CDH12: variants seen among roughly 807,000 people sequenced by gnomAD.
CDH12 encodes cadherin-12.
A neutral mutation model predicts 74.1 loss-of-function variants in CDH12; 41 were observed. That is an observed-to-expected ratio of 0.55 (90% confidence interval 0.43 to 0.72). The LOEUF (loss-of-function observed/expected upper bound fraction) is 0.72. Ranked by LOEUF, CDH12 falls within the 30% of genes least tolerant of loss-of-function variation. CDH12 has a pLI of 0.00. For missense variants in CDH12, 945 were observed against 977.2 expected, an observed-to-expected ratio of 0.97 and a Z score of 0.44; for synonymous variants, 399 against 355.0, an observed-to-expected ratio of 1.12 and a Z score of -1.39.
chr5:22,635,421 G>A (rs1738788258), intron 1 of CDH12, among the ~76,000 whole-genome samples: 1 of 152,114 alleles, frequency 6.6e-6, no homozygotes, highest in South Asian at 2.1e-4. Flanking sequence ...ATCTCTGTGA[G>A]CCTGAATTAG....
intron 1 of CDH12, among the ~76,000 whole-genome samples, chr5:22,551,869 T>A (rs1253476690): frequency 6.6e-6 from 1 of 152,228 alleles, no homozygotes; most frequent in Non-Finnish European, 1.5e-5. Flanking sequence ...TAAATATGTT[T>A]ATTAGAATTA....
chr5:21,952,235 G>T (rs1755896705), intron 6 of CDH12, among the ~76,000 whole-genome samples: 1 of 152,146 alleles, frequency 6.6e-6, no homozygotes, highest in Non-Finnish European at 1.5e-5. Context: ...AAGTAGGGAG[G>T]TGGAGAATTT....
At chr5:22,220,233 T>C (rs1199358098) in intron 3 of CDH12, among the ~76,000 whole-genome samples, 1 of 151,784 alleles carries the variant, frequency 6.6e-6, no homozygotes, top group Non-Finnish European at 1.5e-5. Context: ...TGTGTGTGCA[T>C]GTACATAAAT....
intron 3 of CDH12, among the ~76,000 whole-genome samples, chr5:22,390,369 T>C (rs1272696627): frequency 6.6e-6 from 1 of 152,224 alleles, no homozygotes; most frequent in East Asian, 1.9e-4. Flanking sequence ...CAAATGATCA[T>C]AATTTTTGTT....
intron 1 of CDH12, among the ~76,000 whole-genome samples, chr5:22,744,428 C>A (rs1449932210): frequency 9.6e-5 from 14 of 146,112 alleles, no homozygotes; most frequent in East Asian, 4.1e-4. Flanking sequence ...GACTCCGTCT[C>A]AAAAAAAAAC....
chr5:22,747,607 C>A (rs867720868), intron 1 of CDH12, among the ~76,000 whole-genome samples: 737 of 110,666 alleles, frequency 6.7e-3, no homozygotes, highest in African/African-American at 8.8e-3. Flanking sequence ...GAGACGCTGC[C>A]AAAAAAAAAA....
chr5:22,545,696 C>T (rs948035660), intron 1 of CDH12, among the ~76,000 whole-genome samples: 6 of 152,080 alleles, frequency 3.9e-5, no homozygotes, highest in Non-Finnish European at 5.9e-5. Context: ...TCCTTTTGTA[C>T]ATTTTAAATG....
intron 1 of CDH12, among the ~76,000 whole-genome samples, chr5:22,519,678 C>T (rs1382216593): frequency 6.6e-6 from 1 of 152,060 alleles, no homozygotes; most frequent in African/African-American, 2.4e-5. Context: ...TCACCTCGGT[C>T]AAATTATGGT....
At chr5:21,862,917 C>G (rs1318191067) in intron 6 of CDH12, among the ~76,000 whole-genome samples, 2 of 152,068 alleles carry the variant, frequency 1.3e-5, no homozygotes, top group Non-Finnish European at 2.9e-5. Flanking sequence ...TGAAATGAAT[C>G]CTGTCTGCCT....
intron 1 of CDH12, among the ~76,000 whole-genome samples, chr5:22,761,631 A>G (rs1476923273): frequency 6.6e-6 from 1 of 152,186 alleles, no homozygotes; most frequent in Non-Finnish European, 1.5e-5. Context: ...TAAATATTTT[A>G]CTGTTTGATT....
intron 1 of CDH12, among the ~76,000 whole-genome samples, chr5:22,684,767 CAT>C (rs547524943): frequency 7.0e-4 from 107 of 152,334 alleles, no homozygotes; most frequent in African/African-American, 2.3e-3. Flanking sequence ...CTTCCCCACA[CAT>C]CTCTCACACA....
chr5:22,330,213 A>T (rs1739289066), intron 3 of CDH12, among the ~76,000 whole-genome samples: 1 of 152,122 alleles, frequency 6.6e-6, no homozygotes, highest in Non-Finnish European at 1.5e-5. Flanking sequence ...CTACCATTCC[A>T]GTTTGTAGCT....
At chr5:21,767,201 A>G (rs1745075867) in intron 11 of CDH12, among the ~76,000 whole-genome samples, 1 of 151,822 alleles carries the variant, frequency 6.6e-6, no homozygotes, top group African/African-American at 2.4e-5. Flanking sequence ...GCTACATGAA[A>G]ATGAGAATGT....
At position 21,999,797 on chromosome 5, in the gene CDH12, T is replaced by A. The variant is rs967858862; in HGVS notation, c.232-24412A>T. Among the ~76,000 whole-genome samples the A allele has an allele frequency of 3.3e-4, 50 of 151,458 alleles. 3 individuals carry two copies. The highest frequency in any genetic ancestry group is 3.0e-3 in the Admixed American group (46 of 15,154). On this transcript the variant is annotated intron_variant, in intron 5 of 14. Transcript: ENST00000382254. ...TTTGTATCTCTAGGTGGATATAATG[T>A]AGAATATCACTTAAATGCATAGACT...
chr5:22,619,763 C>CTA (rs1737877974), intron 1 of CDH12, among the ~76,000 whole-genome samples: 2 of 151,404 alleles, frequency 1.3e-5, no homozygotes, highest in African/African-American at 4.8e-5. Context: ...TTTACTGGTA[C>CTA]TATGCTTCCC....
intron 6 of CDH12, among the ~76,000 whole-genome samples, chr5:21,941,680 G>C (rs1755334592): frequency 1.3e-5 from 2 of 152,038 alleles, no homozygotes; most frequent in Admixed American, 6.6e-5. Flanking sequence ...CTGACTTCAA[G>C]TAAGAGAGAG....
Position 22,159,929 on chromosome 5 carries a change from A to T in CDH12, c.-187+52569T>A, listed in dbSNP as rs570965575. On this transcript the variant is annotated intron_variant, in intron 4 of 14. Transcript: ENST00000382254. ...TGTGTCTGTGTGCGTGTGTGCGTGC[A>T]TGTGCATGTGTGTGCCTGTGTGTGT... Among the ~76,000 whole-genome samples the T allele has an allele frequency of 7.2e-5, 11 of 152,264 alleles. No individual in the cohort carries two copies. In the South Asian group the frequency reaches 1.9e-3, roughly 26 times the overall value.
Position 22,478,253 on chromosome 5 carries a change from C to T in CDH12, c.-428+27017G>A, listed in dbSNP as rs527694722. On this transcript the variant is annotated intron_variant, in intron 2 of 14. Transcript: ENST00000382254. ...CTAACACCGTGAAACTCCGTCTCTA[C>T]TAAATATACAAAAAATAAGCCGGGC... Among the ~76,000 whole-genome samples, 15 of 151,676 alleles carry T rather than the reference C, an allele frequency of 9.9e-5. No individual in the cohort carries two copies. In the South Asian group the frequency reaches 2.9e-3, roughly 29 times the overall value.
At chr5:22,506,534 G>T (rs1736394534) in intron 1 of CDH12, among the ~76,000 whole-genome samples, 1 of 151,924 alleles carries the variant, frequency 6.6e-6, no homozygotes, top group South Asian at 2.1e-4. Context: ...GGCATGATAA[G>T]ATAGTCCATG....
Sources: allele counts gnomAD v4.1 joint callset (sites outside exome capture counted in the v4.1 genomes callset), GRCh38; gene constraint gnomAD v4.1.1; transcripts MANE v1.5; gene names NCBI Gene and HGNC (gene_info 2026-07-23, HGNC 2026-07-21).